ATP8B1: variants seen among roughly 807,000 people sequenced by gnomAD.
ATP8B1 encodes ATPase phospholipid transporting 8B1, also known as phospholipid-transporting ATPase IC.
ATP8B1 carries 80 observed loss-of-function variants against 149.9 expected under a neutral mutation model. That is an observed-to-expected ratio of 0.53 (90% CI 0.45 to 0.64). The LOEUF is 0.64. Among genes scored for constraint, ATP8B1 ranks in the 30% least tolerant of loss-of-function variants. The probability of loss-of-function intolerance (pLI) is 0.00; values close to 1 mark genes in which losing one functional copy is unlikely to be tolerated. For synonymous variants in ATP8B1, 536 were observed against 562.8 expected, an observed-to-expected ratio of 0.95 and a Z score of 0.67; for missense variants, 1,247 against 1,552.6, an observed-to-expected ratio of 0.80 and a Z score of 3.31.
chr18:57,736,378 A>T (rs1259812689), intron 1 of ATP8B1, among the ~76,000 whole-genome samples: 1 of 150,714 alleles, frequency 6.6e-6, no homozygotes, highest in African/African-American at 2.4e-5. Context: ...TTGAGGTCTT[A>T]GCCATAAAAT....
intron 1 of ATP8B1, among the ~76,000 whole-genome samples, chr18:57,768,586 CAAA>C (rs5825235): frequency 1.0e-5 from 1 of 96,988 alleles, no homozygotes; most frequent in Non-Finnish European, 2.0e-5. Flanking sequence ...GTTTACATGC[CAAA>C]AAAAAAAAAA....
intron 1 of ATP8B1, among the ~76,000 whole-genome samples, chr18:57,774,473 T>C (rs1419931270): frequency 6.6e-6 from 1 of 152,216 alleles, no homozygotes; most frequent in African/African-American, 2.4e-5. Context: ...GGTGTGTGCC[T>C]GTAATCCCAG....
intron 1 of ATP8B1, among the ~76,000 whole-genome samples, chr18:57,801,634 GT>G (rs200054245): frequency 6.6e-6 from 1 of 151,900 alleles, no homozygotes; most frequent in African/African-American, 2.4e-5. Context: ...ATCACGCGTG[GT>G]TTTTTTTAGC....
chr18:57,698,742 T>G (rs1271419997), intron 6 of ATP8B1, among the ~76,000 whole-genome samples: 1 of 152,244 alleles, frequency 6.6e-6, no homozygotes. Flanking sequence ...GATGGAGCTT[T>G]GTGTTGTCAC....
At chr18:57,795,210 T>C (rs779941537) in intron 1 of ATP8B1, among the ~76,000 whole-genome samples, 2 of 151,734 alleles carry the variant, frequency 1.3e-5, no homozygotes, top group Non-Finnish European at 2.9e-5. Flanking sequence ...GGGCGACATA[T>C]CGAGACACAC....
intron 2 of ATP8B1, among the ~76,000 whole-genome samples, chr18:57,725,286 T>C (rs1461811690): frequency 6.6e-6 from 1 of 151,198 alleles, no homozygotes; most frequent in Non-Finnish European, 1.5e-5. Flanking sequence ...CCATTTATAA[T>C]AGCTATGAAT....
chr18:57,787,770 TC>T (rs567387239), intron 1 of ATP8B1, among the ~76,000 whole-genome samples: 3 of 152,366 alleles, frequency 2.0e-5, no homozygotes, highest in African/African-American at 7.2e-5. Flanking sequence ...CAGTAGTTTT[TC>T]TGAAGGTTTA....
chr18:57,778,706 A>G (rs2080332873), intron 1 of ATP8B1, among the ~76,000 whole-genome samples: 1 of 152,208 alleles, frequency 6.6e-6, no homozygotes. Flanking sequence ...GCTGTTGGCC[A>G]GAGGCCAGCT....
chr18:57,713,180 T>TTCC (rs1913778522), intron 2 of ATP8B1, among the ~76,000 whole-genome samples: 38 of 88,208 alleles, frequency 4.3e-4, no homozygotes, highest in East Asian at 1.1e-3. Context: ...TCTTTCTTTC[T>TTCC]TTCTTTCTTT....
At chr18:57,662,248 G>T (rs987399990) in intron 21 of ATP8B1, among the ~76,000 whole-genome samples, 1 of 152,064 alleles carries the variant, frequency 6.6e-6, no homozygotes, top group Non-Finnish European at 1.5e-5. Context: ...AATCTATAAA[G>T]AAGAAAATGA....
intron 1 of ATP8B1, among the ~76,000 whole-genome samples, chr18:57,761,245 T>G (rs2080155253): frequency 6.6e-6 from 1 of 151,826 alleles, no homozygotes. Context: ...CCAGACTGTG[T>G]TGTTGTTGCT....
chr18:57,735,168 C>G (rs1277168865), intron 1 of ATP8B1: 1 of 160,692 alleles, frequency 6.2e-6, no homozygotes. Context: ...CTTCTGGTTA[C>G]CGCTAGAACT....
intron 1 of ATP8B1, among the ~76,000 whole-genome samples, chr18:57,799,610 G>A (rs115198113): frequency 0.017 from 2,565 of 151,194 alleles, 84 homozygotes; most frequent in African/African-American, 0.06. Flanking sequence ...TCGGGAGGCT[G>A]AGACACGAGA....
At chr18:57,680,410 A>G (rs1472775158) in intron 15 of ATP8B1, among the ~76,000 whole-genome samples, 1 of 148,644 alleles carries the variant, frequency 6.7e-6, no homozygotes, top group Non-Finnish European at 1.5e-5. Flanking sequence ...ACATGGAGAA[A>G]CCCCATCTCT....
At chr18:57,763,098 A>G (rs2080172158) in intron 1 of ATP8B1, among the ~76,000 whole-genome samples, 1 of 152,196 alleles carries the variant, frequency 6.6e-6, no homozygotes, top group Admixed American at 6.5e-5. Flanking sequence ...TGGTTGTTAA[A>G]AAATTGTACT....
At chr18:57,703,570 C>T (rs1350885157) in intron 4 of ATP8B1, among the ~76,000 whole-genome samples, 4 of 89,670 alleles carry the variant, frequency 4.5e-5, no homozygotes, top group Admixed American at 1.5e-4. Context: ...GAGCGAAACA[C>T]GGTCTCAAAA....
intron 11 of ATP8B1, among the ~76,000 whole-genome samples, chr18:57,692,582 C>A (rs1398272520): frequency 1.3e-5 from 2 of 151,830 alleles, no homozygotes; most frequent in African/African-American, 4.8e-5. Context: ...ATTACAGGCA[C>A]GCGCCACCAA....
rs530659211 is a variant in ATP8B1, at chr18:57,684,796, G to A, written c.1473+276C>T. 4.8e-4 allele frequency among the ~76,000 whole-genome samples: 73 copies of A among 152,298 alleles called. 2 individuals carry two copies. The South Asian group carries it at 0.015, about 31-fold the overall frequency. ...TAAAATGAGGTCATACTCAATTAGGGTAGGTCCTAATCCAATGATTGGTAT... is the reference window on the plus strand; with the variant it reads ...TAAAATGAGGTCATACTCAATTAGGATAGGTCCTAATCCAATGATTGGTAT... On this transcript the variant is annotated intron_variant, in intron 14 of 27. Transcript: ENST00000648908.
At chr18:57,717,723 TTTTGG>T (rs1055717648) in intron 2 of ATP8B1, among the ~76,000 whole-genome samples, 7 of 151,238 alleles carry the variant, frequency 4.6e-5, no homozygotes, top group South Asian at 2.1e-4. Context: ...CGGTTTTTTG[TTTTGG>T]TTTGGTTTGG....
Sources: allele counts gnomAD v4.1 joint callset (sites outside exome capture counted in the v4.1 genomes callset), GRCh38; gene constraint gnomAD v4.1.1; transcripts MANE v1.5; gene names NCBI Gene and HGNC (gene_info 2026-07-23, HGNC 2026-07-21).